The following IL10RB variants were observed in gnomAD, a reference collection of about 807,000 sequenced individuals.
IL10RB encodes the protein interleukin-10 receptor subunit beta.
Under a neutral mutation model 38.7 loss-of-function variants are expected in IL10RB, and 30 were observed. That is an observed-to-expected ratio of 0.78 (90% CI 0.58 to 1.05). The LOEUF (loss-of-function observed/expected upper bound fraction) is 1.05, where lower values mean the gene tolerates loss of function less well. Ranked by LOEUF, IL10RB falls within the 50% of genes least tolerant of loss-of-function variation. The probability of loss-of-function intolerance (pLI) is 0.00; values close to 1 mark genes in which losing one functional copy is unlikely to be tolerated. For missense variants in IL10RB, 328 were observed against 397.1 expected, an observed-to-expected ratio of 0.83 and a Z score of 1.48; for synonymous variants, 142 against 145.9, an observed-to-expected ratio of 0.97 and a Z score of 0.19.
rs529670731 is a variant in IL10RB at position 33,287,215 on chromosome 21, A to G, written c.647-889A>G. On this transcript the variant is annotated intron_variant, in intron 5 of 6. Transcript: ENST00000290200. ...GAAAGAGAGGTCAAGGCCTCGCATC[A>G]GGGGCTGGGAAGAACAAATGGTAAG... Among the ~76,000 whole-genome samples the G allele has an allele frequency of 4.0e-4, 61 of 152,346 alleles. 1 individual carries two copies. Among genetic ancestry groups the G allele is most frequent in the African/African-American group, 1.5e-3 (61 of 41,586 alleles).
Position 33,296,484 on chromosome 21 carries a change from C to T in IL10RB, c.*127C>T. 2 of 923,484 alleles carry T rather than the reference C, an allele frequency of 2.2e-6. No individual in the cohort carries two copies. The highest frequency in any genetic ancestry group is 2.6e-5 in the East Asian group (1 of 38,404). 57.2% of individuals were successfully genotyped at this position (923,484 alleles called of 1,614,324 possible). A position where few individuals can be genotyped will look rare whatever the true frequency, so the allele number is the denominator to read the frequency against. ...GAGCCAGCCCCACATCTAGAACTCC[C>T]AGACCCTGGACTTAGCCACCAGAGA... On this transcript the variant is annotated 3_prime_UTR_variant, in exon 7 of 7. Coordinates refer to ENST00000290200, the MANE Select transcript of IL10RB (RefSeq NM_000628.5).
chr21:33,286,479 C>T (rs73191813), intron 5 of IL10RB, among the ~76,000 whole-genome samples: 1 of 152,136 alleles, frequency 6.6e-6, no homozygotes, highest in Non-Finnish European at 1.5e-5. Context: ...ACCCAGGTGA[C>T]ATCCTGGACT....
chr21:33,266,906 A>G (rs989438392), intron 1 of IL10RB, among the ~76,000 whole-genome samples: 7 of 151,876 alleles, frequency 4.6e-5, no homozygotes, highest in Admixed American at 4.6e-4. Flanking sequence ...GGAGGCCCCC[A>G]CCAGTCCCCG....
At chr21:33,301,667 C>A (rs918916820), downstream of IL10RB, among the ~76,000 whole-genome samples, 1 of 152,238 alleles carries the variant, frequency 6.6e-6, no homozygotes, top group Non-Finnish European at 1.5e-5. Context: ...ATAGCCAACC[C>A]TTACTTACTG....
intron 6 of IL10RB, among the ~76,000 whole-genome samples, chr21:33,293,761 C>T (rs549914193): frequency 9.9e-5 from 15 of 150,890 alleles, no homozygotes; most frequent in Non-Finnish European, 2.1e-4. Context: ...GAGCAGAGAT[C>T]GCGCCACCGC....
intron 1 of IL10RB, 96 bp downstream of exon 1, chr21:33,266,610 A>G (rs1988950693): frequency 1.5e-6 from 2 of 1,295,900 alleles, no homozygotes; most frequent in Non-Finnish European, 2.1e-6. Context: ...CAAGTGACTT[A>G]AGAGCCTTCG....
intron 4 of IL10RB, among the ~76,000 whole-genome samples, chr21:33,280,549 G>T (rs1483045122): frequency 1.3e-5 from 2 of 152,140 alleles, no homozygotes; most frequent in South Asian, 2.1e-4. Context: ...CCATTGCCTG[G>T]AATGATGTAT....
rs1989308882 is a variant in IL10RB, at chr21:33,283,109, C to A, written c.514C>A (p.Gln172Lys). The A allele has an allele frequency of 6.2e-7, 1 of 1,613,114 alleles. No homozygotes were observed. The highest frequency in any genetic ancestry group is 1.3e-5 in the African/African-American group (1 of 74,888). ...GTDEKFQITP[Q>K]YDFEVLRNLE... ...CCATTACTAGTTTCAAATTACTCCC[C>A]AGTATGACTTTGAGGTCCTCAGAAA... is the stretch of plus-strand genomic sequence containing the variant. The change falls in exon 5 of 7, where the codon CAG (glutamine) becomes AAG (lysine). Residue 172 changes from glutamine (Q) to lysine (K), a missense_variant. Physicochemically the swap from Gln to Lys is moderately conservative, Grantham distance 53 (BLOSUM62 1). Transcript: ENST00000290200.
chr21:33,302,159 C>T (rs577773251), downstream of IL10RB, among the ~76,000 whole-genome samples: 5 of 152,206 alleles, frequency 3.3e-5, no homozygotes, highest in Non-Finnish European at 7.4e-5. Context: ...CAGCCAACAA[C>T]GAACAGGGAA....
intron 2 of IL10RB, among the ~76,000 whole-genome samples, chr21:33,273,900 C>G (rs1284651370): frequency 6.6e-6 from 1 of 152,222 alleles, no homozygotes; most frequent in African/African-American, 2.4e-5. Context: ...GGTTCCGCTT[C>G]TAATTCTAGT....
chr21:33,299,525 T>C (rs1278003335), downstream of IL10RB, among the ~76,000 whole-genome samples: 2 of 152,140 alleles, frequency 1.3e-5, no homozygotes, highest in Non-Finnish European at 2.9e-5. Context: ...GTTGAAAATA[T>C]CTCACTTCCT....
At chr21:33,279,724 T>C in intron 3 of IL10RB, 28 bp from the exon 4 acceptor site, 1 of 1,604,496 alleles carries the variant, frequency 6.2e-7, no homozygotes, top group South Asian at 1.1e-5. Context: ...TGATTTTTGA[T>C]TGTCATTTTG....
exon 2 of IL10RB, chr21:33,309,177 A>AT: frequency 6.6e-6 from 1 of 152,320 alleles, no homozygotes; most frequent in South Asian, 2.1e-4. Context: ...ATGTTGGCTG[A>AT]TGTACATAGA....
At chr21:33,286,372 G>A (rs1197669161) in intron 5 of IL10RB, among the ~76,000 whole-genome samples, 1 of 152,196 alleles carries the variant, frequency 6.6e-6, no homozygotes, top group Non-Finnish European at 1.5e-5. Flanking sequence ...CGTGAGGGCG[G>A]TGCTGGTTGG....
chr21:33,294,369 TTGTGTGTGTGTGTGTGTGTGCGTG>T lies in IL10RB; in HGVS notation c.805-1799_805-1776del, dbSNP rs201868113. ...CTGATCTATTGAGCCAGCCACCAGT[TTGTGTGTGTGTGTGTGTGTGCGTG>T]TGTGTGTGTGTGTGTCCAACCGGGA... On this transcript the variant is annotated intron_variant, in intron 6 of 6. Coordinates refer to ENST00000290200, the MANE Select transcript of IL10RB (RefSeq NM_000628.5). 8.6e-4 allele frequency among the ~76,000 whole-genome samples: 114 copies of T among 132,784 alleles called. No homozygotes were observed. In the East Asian group the frequency reaches 0.021, roughly 24 times the overall value. The allele number at this position is 132,784 out of a possible 152,430, so 87.1% of individuals were successfully genotyped here.
chr21:33,285,159 G>A (rs1479460076), intron 5 of IL10RB, among the ~76,000 whole-genome samples: 1 of 152,150 alleles, frequency 6.6e-6, no homozygotes, highest in East Asian at 1.9e-4. Flanking sequence ...CCAAAGTGCT[G>A]GGGTTACAGG....
chr21:33,292,257 A>G (rs1203483034), intron 6 of IL10RB, among the ~76,000 whole-genome samples: 1 of 152,060 alleles, frequency 6.6e-6, no homozygotes, highest in Non-Finnish European at 1.5e-5. Context: ...AAAGGTGATG[A>G]TCAGACCCAC....
chr21:33,279,734 G>C lies in IL10RB; in HGVS notation c.332-18G>C, dbSNP rs1989244810. The C allele has an allele frequency of 6.2e-7, 1 of 1,610,316 alleles. No homozygotes were observed. The highest frequency in any genetic ancestry group is 1.3e-5 in the African/African-American group (1 of 74,818). On this transcript the variant is annotated intron_variant, in intron 3 of 6. Coordinates refer to ENST00000290200, the MANE Select transcript of IL10RB (RefSeq NM_000628.5). ...AAATGTGATTTTTGATTGTCATTTT[G>C]CTTGTTCTTCTGCTTAGCCATTATT...
intron 2 of IL10RB, among the ~76,000 whole-genome samples, chr21:33,269,790 A>C (rs1568902767): frequency 6.6e-6 from 1 of 151,422 alleles, no homozygotes; most frequent in South Asian, 2.1e-4. Context: ...TCCCGAGTAG[A>C]TGGGAGTACA....
Sources: gnomAD v4.1 joint callset for allele counts (sites outside exome capture counted in the v4.1 genomes callset) on GRCh38, gnomAD v4.1.1 for gene constraint, MANE v1.5 for transcripts, NCBI Gene and HGNC (gene_info 2026-07-23, HGNC 2026-07-21) for gene names.